ANTXR1: variants seen among roughly 807,000 people sequenced by gnomAD.
The protein encoded by ANTXR1 is ANTXR cell adhesion molecule 1.
A neutral mutation model predicts 78.1 loss-of-function variants in ANTXR1; 19 were observed. The ratio of observed to expected loss-of-function variants is 0.24; its 90% CI spans 0.17 to 0.36. ANTXR1 has a LOEUF of 0.36. ANTXR1 is among the 10% of genes least tolerant of loss of function. The pLI is 1.00. For missense variants in ANTXR1, 518 were observed against 718.6 expected, an observed-to-expected ratio of 0.72 and a Z score of 3.19; for synonymous variants, 273 against 260.5, an observed-to-expected ratio of 1.05 and a Z score of -0.46.
Position 69,013,264 on chromosome 2 carries a change from G to A in ANTXR1, c.-236G>A. On this transcript the variant is annotated 5_prime_UTR_variant, in exon 1 of 18. Transcript: ENST00000303714. This position sits in a 1 kb window ranked among gnomAD's most constrained non-coding sequence, Gnocchi z 5.0. ...ACCGAGGCAGCCCTCCCCTTTAAAA[G>A]AAGCGGAGGACAGGATTGGGATCCT... is the stretch of plus-strand genomic sequence containing the variant. 1 of 633,974 alleles carries A rather than the reference G, an allele frequency of 1.6e-6. No homozygotes were observed. The highest frequency in any genetic ancestry group is 2.8e-5 in the East Asian group (1 of 36,362). The allele number at this position is 633,974 out of a possible 1,614,324, so 39.3% of individuals were successfully genotyped here.
At chr2:69,061,302 G>A (rs10460570) in intron 3 of ANTXR1, among the ~76,000 whole-genome samples, 5,790 of 152,224 alleles carry the variant, frequency 0.038, 295 homozygotes, top group East Asian at 0.22. Context: ...CATAGTCAGG[G>A]ACACCAGGCA....
At chr2:69,069,328 G>T (rs1276906845) in intron 3 of ANTXR1, among the ~76,000 whole-genome samples, 1 of 152,102 alleles carries the variant, frequency 6.6e-6, no homozygotes. Context: ...AGTGGCCTTG[G>T]GTAAGTTCTG....
chr2:69,076,945 G>C (rs1573847650), intron 7 of ANTXR1, among the ~76,000 whole-genome samples: 1 of 152,244 alleles, frequency 6.6e-6, no homozygotes, highest in African/African-American at 2.4e-5. Context: ...TTCCTTAATG[G>C]GCAGTTTGGG....
chr2:69,201,309 A>G (rs971857765), intron 17 of ANTXR1, among the ~76,000 whole-genome samples: 11 of 152,158 alleles, frequency 7.2e-5, no homozygotes, highest in African/African-American at 9.7e-5. Context: ...GTGACAGGGA[A>G]GCTTGCATAC....
At chr2:69,147,124 T>A (rs919916672) in intron 12 of ANTXR1, among the ~76,000 whole-genome samples, 6 of 152,212 alleles carry the variant, frequency 3.9e-5, no homozygotes, top group African/African-American at 1.4e-4. Context: ...CCAGGCTCTA[T>A]GGGGGTCAGG....
intron 1 of ANTXR1, among the ~76,000 whole-genome samples, chr2:69,039,208 G>GA (rs1313255273): frequency 6.6e-6 from 1 of 152,076 alleles, no homozygotes; most frequent in Non-Finnish European, 1.5e-5. Context: ...GGTTCGAATA[G>GA]AAAAAACTAA....
At chr2:69,201,742 G>A (rs1674777152) in intron 17 of ANTXR1, among the ~76,000 whole-genome samples, 2 of 152,180 alleles carry the variant, frequency 1.3e-5, no homozygotes, top group Non-Finnish European at 2.9e-5. Context: ...TGGCCCAAGC[G>A]ACATTGCTGA....
chr2:69,056,329 G>A (rs1670066837), intron 3 of ANTXR1, among the ~76,000 whole-genome samples: 1 of 152,172 alleles, frequency 6.6e-6, no homozygotes, highest in Non-Finnish European at 1.5e-5. Context: ...TACCACCAGT[G>A]TGGGTGACCT....
intron 13 of ANTXR1, among the ~76,000 whole-genome samples, chr2:69,155,100 G>A (rs928644826): frequency 6.6e-6 from 1 of 152,140 alleles, no homozygotes; most frequent in African/African-American, 2.4e-5. Flanking sequence ...CACTGCACTT[G>A]GCCTTTCCCT....
At chr2:69,138,207 G>A (rs1265582347) in intron 12 of ANTXR1, among the ~76,000 whole-genome samples, 1 of 152,020 alleles carries the variant, frequency 6.6e-6, no homozygotes, top group East Asian at 1.9e-4. Flanking sequence ...AATAGTTTGG[G>A]GAAAAGGACC....
chr2:69,229,480 T>G (rs1389739968), intron 17 of ANTXR1, among the ~76,000 whole-genome samples: 1 of 152,174 alleles, frequency 6.6e-6, no homozygotes, highest in Non-Finnish European at 1.5e-5. Flanking sequence ...ATAGTGCTCT[T>G]GACCAAAAAA....
At chr2:69,210,726 A>G (rs1675020038) in intron 17 of ANTXR1, among the ~76,000 whole-genome samples, 1 of 152,150 alleles carries the variant, frequency 6.6e-6, no homozygotes, top group Non-Finnish European at 1.5e-5. Context: ...ACTTGAGGTC[A>G]GGAGTTTGAG....
intron 13 of ANTXR1, among the ~76,000 whole-genome samples, chr2:69,168,189 G>A (rs993414539): frequency 2.6e-5 from 4 of 152,180 alleles, no homozygotes; most frequent in Non-Finnish European, 4.4e-5. Flanking sequence ...TGCAGGGGGG[G>A]TATGAAAGAT....
chr2:69,221,797 G>A (rs139792088), intron 17 of ANTXR1, among the ~76,000 whole-genome samples: 14 of 152,158 alleles, frequency 9.2e-5, no homozygotes, highest in Non-Finnish European at 1.9e-4. Context: ...AACAATGGCT[G>A]TGTGGAGTTA....
chr2:69,085,297 A>G (rs1462540630), intron 8 of ANTXR1, among the ~76,000 whole-genome samples: 1 of 152,182 alleles, frequency 6.6e-6, no homozygotes, highest in Non-Finnish European at 1.5e-5. Context: ...GGCCTTTACA[A>G]AGCGGCCGAC....
intron 5 of ANTXR1, among the ~76,000 whole-genome samples, chr2:69,072,702 G>A (rs1329454952): frequency 6.6e-6 from 1 of 152,198 alleles, no homozygotes; most frequent in African/African-American, 2.4e-5. Flanking sequence ...ACAGTTATGT[G>A]TCTGCTAATA....
At chr2:69,048,031 T>G (rs530853381) in intron 3 of ANTXR1, among the ~76,000 whole-genome samples, 1 of 152,314 alleles carries the variant, frequency 6.6e-6, no homozygotes, top group Non-Finnish European at 1.5e-5. Flanking sequence ...ACTTCCTTAG[T>G]ATAATAGAGT....
chr2:69,149,383 CT>C (rs1331687557), intron 12 of ANTXR1, among the ~76,000 whole-genome samples: 1 of 152,170 alleles, frequency 6.6e-6, no homozygotes. Flanking sequence ...TGGAAGCCCC[CT>C]CTCTCCCATT....
At chr2:69,237,405 T>C (rs1000884326) in intron 17 of ANTXR1, among the ~76,000 whole-genome samples, 1 of 152,124 alleles carries the variant, frequency 6.6e-6, no homozygotes, top group African/African-American at 2.4e-5. Flanking sequence ...AACACACCCT[T>C]CTCTTTGCCC....
Sources: gnomAD v4.1 joint callset for allele counts (sites outside exome capture counted in the v4.1 genomes callset) on GRCh38, gnomAD v4.1.1 for gene constraint, Gnocchi (gnomAD v3.1) non-coding constraint, MANE v1.5 for transcripts, NCBI Gene and HGNC (gene_info 2026-07-23, HGNC 2026-07-21) for gene names.